Variants in F5 observed in about 807,000 individuals in gnomAD.
The protein encoded by F5 is coagulation factor V.
A neutral mutation model predicts 216.4 loss-of-function variants in F5; 138 were observed. The ratio of observed to expected loss-of-function variants is 0.64; its 90% CI spans 0.56 to 0.73. The LOEUF (loss-of-function observed/expected upper bound fraction) is 0.73, where lower values mean the gene tolerates loss of function less well. Ranked by LOEUF, F5 falls within the 30% of genes least tolerant of loss-of-function variation. The probability of loss-of-function intolerance (pLI) is 0.00; values close to 1 mark genes in which losing one functional copy is unlikely to be tolerated. For missense variants in F5, 2,403 were observed against 2,674.0 expected (o/e 0.90, Z 2.24); for synonymous variants, 916 against 930.7 (o/e 0.98, Z 0.29).
At chr1:169,538,341 C>A (rs1351977709) in intron 13 of F5, among the ~76,000 whole-genome samples, 1 of 152,000 alleles carries the variant, frequency 6.6e-6, no homozygotes, top group African/African-American at 2.4e-5. Context: ...AGAGGTGGAG[C>A]ATTGAGAAAA....
intron 16 of F5, 40 bp downstream of exon 16, chr1:169,529,568 G>T: frequency 6.5e-7 from 1 of 1,546,274 alleles, no homozygotes; most frequent in Non-Finnish European, 8.9e-7. Context: ...GACCCAGTGT[G>T]ATTTAATTAG....
At chr1:169,517,729 A>G (rs902579977) in intron 23 of F5, among the ~76,000 whole-genome samples, 6 of 152,148 alleles carry the variant, frequency 3.9e-5, no homozygotes, top group African/African-American at 1.2e-4. Flanking sequence ...TAGATCACTG[A>G]TTTTATAACT....
chr1:169,556,591 C>T, intron 6 of F5, 55 bp downstream of exon 6: 1 of 1,556,978 alleles, frequency 6.4e-7, no homozygotes, highest in Non-Finnish European at 8.9e-7. Context: ...GGAGTTAGTG[C>T]ATGGGAAGAA....
rs755727495 is a variant in F5, at chr1:169,556,659, T to C, written c.939A>G (p.Pro313=). Reference sequence around the variant, plus strand: ...AGAGTTTCTTGCCTTGCAAATGTTTTGGGGTGAGAGAAGATATGATCCACT... The same window carrying C: ...AGAGTTTCTTGCCTTGCAAATGTTTCGGGGTGAGAGAAGATATGATCCACT... ...EGKWIISSLT[P]KHLQAGMQAY... Residue 313 remains proline, a synonymous_variant, in exon 6 of 25, where the codon CCA becomes CCG. Transcript: ENST00000367797. The C allele has an allele frequency of 1.1e-5, 18 of 1,613,858 alleles. No homozygotes were observed. Among genetic ancestry groups the C allele is most frequent in the Non-Finnish European group, 1.4e-5 (16 of 1,179,966 alleles).
In F5 at chr1:169,541,634, C is replaced by T; in HGVS notation, c.3456G>A (p.Glu1152=). ...SDPSHRSSSP[E]LSEMLEYDRS... ...GGTCATACTCAAGCATTTCACTGAG[C>T]TCTGGAGAAGAGGATCTGTGACTGG... is the stretch of plus-strand genomic sequence containing the variant. The change falls in exon 13 of 25, where the codon GAG becomes GAA. Residue 1152 remains glutamate, a synonymous_variant. Coordinates refer to ENST00000367797, the MANE Select transcript of F5 (RefSeq NM_000130.5). The T allele has an allele frequency of 6.2e-7, 1 of 1,614,122 alleles. No individual in the cohort carries two copies.
At chr1:169,527,685 G>A (rs1246352583) in intron 17 of F5, among the ~76,000 whole-genome samples, 1 of 152,184 alleles carries the variant, frequency 6.6e-6, no homozygotes, top group Non-Finnish European at 1.5e-5. Flanking sequence ...TTGCAACTGA[G>A]TTGGGTCACA....
chr1:169,528,023 G>C lies in F5; in HGVS notation c.5491C>G (p.Leu1831Val). The stretch of plus-strand genomic sequence containing the variant: ...ATGTCTTGGGAGCCGCCTATGTTCA[G>C]CAGGTGTAACCTCACCCACTCTTGC... The part of the protein sequence containing the change: ...YEQEWVRLHL[L>V]NIGGSQDIHV... Residue 1831 changes from leucine to valine, a missense_variant, in exon 17 of 25, where the codon CTG (leucine) becomes GTG (valine). Physicochemically the swap from Leu to Val is conservative, Grantham distance 32 (BLOSUM62 1). This residue lies in a region of F5 where 659 missense variants were observed against 787.9 expected (regional missense o/e 0.84). Coordinates refer to ENST00000367797, the MANE Select transcript of F5 (RefSeq NM_000130.5). The C allele has an allele frequency of 6.2e-7, 1 of 1,613,936 alleles. No homozygotes were observed. Among genetic ancestry groups the C allele is most frequent in the Admixed American group, 1.7e-5 (1 of 59,986 alleles).
chr1:169,578,329 T>C (rs1280563422), intron 2 of F5, among the ~76,000 whole-genome samples: 1 of 152,234 alleles, frequency 6.6e-6, no homozygotes, highest in African/African-American at 2.4e-5. Context: ...TCTCACCAAC[T>C]GTCAGAGTCT....
intron 8 of F5, 25 bp from the exon 9 acceptor site, chr1:169,550,764 C>T (rs1660149410): frequency 6.5e-7 from 1 of 1,527,590 alleles, no homozygotes; most frequent in Non-Finnish European, 9.1e-7. Context: ...CAAATTTATT[C>T]TAGGATTTAA....
chr1:169,551,561 A>T, intron 8 of F5, among the ~76,000 whole-genome samples: 1 of 152,228 alleles, frequency 6.6e-6, no homozygotes, highest in African/African-American at 2.4e-5. Context: ...GAAATGGAAG[A>T]AGGGAAAGAG....
intron 7 of F5, among the ~76,000 whole-genome samples, chr1:169,554,838 A>G (rs1282074584): frequency 2.6e-5 from 4 of 152,180 alleles, no homozygotes; most frequent in East Asian, 1.9e-4. Flanking sequence ...TGAATTTCCA[A>G]ATCTCTTAAT....
chr1:169,557,337 C>T (rs1045096782), intron 5 of F5, among the ~76,000 whole-genome samples: 6 of 152,178 alleles, frequency 3.9e-5, no homozygotes, highest in African/African-American at 1.4e-4. Flanking sequence ...TGAGTTCAAG[C>T]ACTTAATCCT....
At chr1:169,577,577 A>ATATATATATATATATATG (rs1557933698) in intron 2 of F5, among the ~76,000 whole-genome samples, 2 of 105,060 alleles carry the variant, frequency 1.9e-5, no homozygotes, top group African/African-American at 8.2e-5. Context: ...ATATATATAT[A>ATATATATATATATATATG]TATATATATA....
chr1:169,579,032 C>T (rs1660928169), intron 2 of F5, among the ~76,000 whole-genome samples: 1 of 151,738 alleles, frequency 6.6e-6, no homozygotes, highest in Non-Finnish European at 1.5e-5. Context: ...TCCTTAAGCT[C>T]CTCAGTACCC....
At chr1:169,540,142 T>C (rs1659797951) in intron 13 of F5, 152 bp downstream of exon 13, 3 of 733,140 alleles carry the variant, frequency 4.1e-6, no homozygotes, top group African/African-American at 3.6e-5. Context: ...AATCTTGGAA[T>C]TGACAAAGGA....
chr1:169,523,362 A>G lies in F5; in HGVS notation c.5893-10T>C, dbSNP rs1424775166. On this transcript the variant is annotated splice_polypyrimidine_tract_variant and intron_variant, in intron 20 of 24. Transcript: ENST00000367797. ...CCTTTTGCATGTCCACCTGCAATAT[A>G]GGAAAGCCAGTAAACAGAACTGTCC... 1 of 1,613,990 alleles carries G rather than the reference A, an allele frequency of 6.2e-7. No homozygotes were observed. The highest frequency in any genetic ancestry group is 8.5e-7 in the Non-Finnish European group (1 of 1,179,924).
At chr1:169,580,208 C>T (rs1373919004) in intron 2 of F5, among the ~76,000 whole-genome samples, 2 of 152,118 alleles carry the variant, frequency 1.3e-5, no homozygotes, top group African/African-American at 2.4e-5. Flanking sequence ...CTCCTATGTC[C>T]TACTACAGAA....
intron 24 of F5, among the ~76,000 whole-genome samples, 158 bp from the exon 25 acceptor site, chr1:169,514,617 C>T (rs1659117352): frequency 6.6e-6 from 1 of 151,988 alleles, no homozygotes; most frequent in South Asian, 2.1e-4. Flanking sequence ...TCAAGTAATC[C>T]TCTTGCCTCA....
rs762853294 is a variant in F5 at position 169,541,949 on chromosome 1, G to A, written c.3141C>T (p.Thr1047=). ...AGGCTTCACTTCTTAGAGGGTGAAAGGTCCTCGGAGATAAAGGAGCATGGT... is the reference window on the plus strand; with the variant it reads ...AGGCTTCACTTCTTAGAGGGTGAAAAGTCCTCGGAGATAAAGGAGCATGGT... The part of the protein sequence containing the change: ...HTHHAPLSPR[T]FHPLRSEAYN... The change falls in exon 13 of 25, where the codon ACC becomes ACT. Residue 1047 remains threonine, a synonymous_variant. Transcript: ENST00000367797. 3 of 1,613,948 alleles carry A rather than the reference G, an allele frequency of 1.9e-6. No homozygotes were observed. The highest frequency in any genetic ancestry group is 3.3e-5 in the Admixed American group (2 of 59,994).
Sources: gnomAD v4.1 joint callset for allele counts (sites outside exome capture counted in the v4.1 genomes callset) on GRCh38, gnomAD v4.1.1 for gene constraint, gnomAD v4.1.1 regional missense constraint, MANE v1.5 for transcripts, NCBI Gene and HGNC (gene_info 2026-07-23, HGNC 2026-07-21) for gene names.